The following ARHGAP15 variants were observed in gnomAD, a reference collection of about 807,000 sequenced individuals.
ARHGAP15 encodes rho GTPase-activating protein 15.
In ARHGAP15, 51 loss-of-function variants were observed where a neutral mutation model predicts 63.7. The observed-to-expected ratio is 0.80, with a 90% confidence interval of 0.64 to 1.01. The LOEUF (loss-of-function observed/expected upper bound fraction) is 1.01. ARHGAP15 is among the 50% of genes least tolerant of loss of function. The pLI, the probability that ARHGAP15 is intolerant of heterozygous loss-of-function variation, is 0.00. For synonymous variants in ARHGAP15, 191 were observed against 193.8 expected (o/e 0.99, Z 0.12); for missense variants, 560 against 564.6 (o/e 0.99, Z 0.08).
At chr2:143,184,780 C>A (rs879310899) in intron 2 of ARHGAP15, among the ~76,000 whole-genome samples, 3 of 151,990 alleles carry the variant, frequency 2.0e-5, no homozygotes, top group Non-Finnish European at 4.4e-5. Context: ...CTCCTGGGCT[C>A]AAACACTCCT....
At chr2:143,593,193 C>T (rs1574676995) in intron 11 of ARHGAP15, 1 of 152,212 alleles carries the variant, frequency 6.6e-6, no homozygotes, top group South Asian at 2.1e-4. Context: ...ATACAAGTCA[C>T]TTGATGTGGC....
chr2:143,304,355 C>CA (rs1300076115), intron 6 of ARHGAP15, among the ~76,000 whole-genome samples: 12 of 151,766 alleles, frequency 7.9e-5, no homozygotes, highest in Non-Finnish European at 1.5e-4. Flanking sequence ...ATTGCAAGGA[C>CA]AAAAAACCAA....
chr2:143,529,558 A>G (rs943126015), intron 10 of ARHGAP15, among the ~76,000 whole-genome samples: 5 of 152,068 alleles, frequency 3.3e-5, no homozygotes, highest in African/African-American at 1.2e-4. Context: ...TACCCCCATA[A>G]AAAAGGATAA....
intron 6 of ARHGAP15, among the ~76,000 whole-genome samples, chr2:143,268,607 A>G (rs34883441): frequency 0.17 from 25,847 of 152,118 alleles, 2,441 homozygotes; most frequent in South Asian, 0.35. Context: ...ATTACACGTT[A>G]GAGTTTGAAA....
chr2:143,407,989 A>ATG (rs1464718719), intron 6 of ARHGAP15, among the ~76,000 whole-genome samples: 1,393 of 16,044 alleles, frequency 0.087, 15 homozygotes, highest in Non-Finnish European at 0.1. Flanking sequence ...CTGTGTGTGT[A>ATG]TATATATATA....
chr2:143,352,892 T>G (rs985607638), intron 6 of ARHGAP15, among the ~76,000 whole-genome samples: 4 of 152,190 alleles, frequency 2.6e-5, no homozygotes, highest in African/African-American at 7.2e-5. Context: ...AAATAAATCT[T>G]TCTTAAAAAG....
chr2:143,157,995 T>C (rs1690149036), intron 2 of ARHGAP15, among the ~76,000 whole-genome samples: 1 of 151,808 alleles, frequency 6.6e-6, no homozygotes. Flanking sequence ...ATCAAAAGTA[T>C]TTAGAGATCA....
intron 1 of ARHGAP15, among the ~76,000 whole-genome samples, chr2:143,142,549 A>G (rs915105221): frequency 6.6e-6 from 1 of 152,142 alleles, no homozygotes; most frequent in Non-Finnish European, 1.5e-5. Flanking sequence ...CTAAGTCATA[A>G]CAAATACATT....
chr2:143,296,761 T>C (rs1682648605), intron 6 of ARHGAP15, among the ~76,000 whole-genome samples: 1 of 151,582 alleles, frequency 6.6e-6, no homozygotes, highest in African/African-American at 2.4e-5. Context: ...TTGTACTTAC[T>C]ATTTCATCGC....
intron 9 of ARHGAP15, among the ~76,000 whole-genome samples, chr2:143,515,536 A>C (rs1214274380): frequency 6.6e-6 from 1 of 152,202 alleles, no homozygotes; most frequent in African/African-American, 2.4e-5. Flanking sequence ...AATGATATTC[A>C]AAGATGGATT....
chr2:143,321,799 C>A (rs1684036610), intron 6 of ARHGAP15, among the ~76,000 whole-genome samples: 1 of 152,162 alleles, frequency 6.6e-6, no homozygotes, highest in Admixed American at 6.5e-5. Flanking sequence ...TGGGCTCAAG[C>A]CACCTCCCAC....
intron 11 of ARHGAP15, among the ~76,000 whole-genome samples, chr2:143,612,177 T>C (rs1245408174): frequency 6.6e-6 from 1 of 152,226 alleles, no homozygotes; most frequent in Non-Finnish European, 1.5e-5. Context: ...TAAGTTCTCA[T>C]TACATTTCAT....
intron 5 of ARHGAP15, among the ~76,000 whole-genome samples, chr2:143,249,003 G>C (rs928748079): frequency 6.6e-6 from 1 of 152,120 alleles, no homozygotes; most frequent in Non-Finnish European, 1.5e-5. Context: ...TCTATAAGAA[G>C]CATGTTGTTG....
chr2:143,757,698 G>A (rs1418628645), intron 13 of ARHGAP15, among the ~76,000 whole-genome samples: 1 of 151,958 alleles, frequency 6.6e-6, no homozygotes, highest in Non-Finnish European at 1.5e-5. Flanking sequence ...CAGAAAAAAA[G>A]TAAATTCAGA....
chr2:143,239,423 C>G (rs1693773581), intron 5 of ARHGAP15, among the ~76,000 whole-genome samples: 1 of 152,058 alleles, frequency 6.6e-6, no homozygotes. Flanking sequence ...GAATTTTGTA[C>G]TCTTTGAGCA....
At chr2:143,196,326 G>T (rs1020071882) in intron 2 of ARHGAP15, among the ~76,000 whole-genome samples, 1 of 151,920 alleles carries the variant, frequency 6.6e-6, no homozygotes, top group Admixed American at 6.6e-5. Flanking sequence ...TTCAATGGTA[G>T]TTACAAATCA....
intron 11 of ARHGAP15, 72 bp from the exon 12 acceptor site, chr2:143,624,061 T>G: frequency 6.4e-7 from 1 of 1,560,742 alleles, no homozygotes; most frequent in East Asian, 2.3e-5. Flanking sequence ...AGGCAAACAT[T>G]AACATAATAA....
intron 12 of ARHGAP15, among the ~76,000 whole-genome samples, chr2:143,644,601 G>A (rs1680777777): frequency 6.6e-6 from 1 of 152,020 alleles, no homozygotes; most frequent in Non-Finnish European, 1.5e-5. Flanking sequence ...GTGTACCTTT[G>A]TAAGGAATTT....
At chr2:143,709,752 G>C (rs1373357791) in intron 13 of ARHGAP15, among the ~76,000 whole-genome samples, 1 of 150,754 alleles carries the variant, frequency 6.6e-6, no homozygotes, top group African/African-American at 2.4e-5. Context: ...AAATGATAAT[G>C]ACCTAGAAAT....
Sources: gnomAD v4.1 joint callset for allele counts (sites outside exome capture counted in the v4.1 genomes callset) on GRCh38, gnomAD v4.1.1 for gene constraint, MANE v1.5 for transcripts, NCBI Gene and HGNC (gene_info 2026-07-23, HGNC 2026-07-21) for gene names.